Variants in ZBTB46 observed in about 807,000 individuals in gnomAD.
ZBTB46 encodes zinc finger and BTB domain-containing protein 46.
ZBTB46 carries 8 observed loss-of-function variants against 44.1 expected under a neutral mutation model. That is an observed-to-expected ratio of 0.18 (90% CI 0.11 to 0.33). ZBTB46 has a LOEUF of 0.33. Ranked by LOEUF, ZBTB46 falls within the 10% of genes least tolerant of loss-of-function variation. ZBTB46 has a pLI of 1.00. For synonymous variants in ZBTB46, 409 were observed against 382.3 expected, an observed-to-expected ratio of 1.07 and a Z score of -0.81; for missense variants, 651 against 847.7, an observed-to-expected ratio of 0.77 and a Z score of 2.88.
At chr20:63,768,053 A>C (rs1337412054) in intron 3 of ZBTB46, 1 of 985,228 alleles carries the variant, frequency 1.0e-6, no homozygotes, top group Non-Finnish European at 1.2e-6. Flanking sequence ...TAGTGTGGAC[A>C]CTCTGCTGCC....
At chr20:63,778,041 G>A (rs6512290) in intron 2 of ZBTB46, among the ~76,000 whole-genome samples, 82,474 of 151,884 alleles carry the variant, frequency 0.54, 22,581 homozygotes, top group South Asian at 0.62. Flanking sequence ...GAGGGGTCTC[G>A]GATGAGGGCT....
At chr20:63,762,864 CTTTTT>C (rs1057199187) in intron 3 of ZBTB46, among the ~76,000 whole-genome samples, 3 of 152,068 alleles carry the variant, frequency 2.0e-5, no homozygotes, top group Admixed American at 6.6e-5. Context: ...TTTTTCTTTT[CTTTTT>C]TTCTTTTGTA....
chr20:63,795,762 G>A (rs943461038), intron 1 of ZBTB46, among the ~76,000 whole-genome samples: 1 of 152,188 alleles, frequency 6.6e-6, no homozygotes, highest in Non-Finnish European at 1.5e-5. Flanking sequence ...AACAGGCTCC[G>A]CCAAACGTGG....
chr20:63,768,194 T>C (rs1486073897), intron 3 of ZBTB46: 1 of 874,874 alleles, frequency 1.1e-6, no homozygotes, highest in Admixed American at 6.2e-5. Context: ...CATTAACACC[T>C]GCCACCAAAA....
At chr20:63,763,530 T>C (rs1408578244) in intron 3 of ZBTB46, among the ~76,000 whole-genome samples, 1 of 151,724 alleles carries the variant, frequency 6.6e-6, no homozygotes, top group African/African-American at 2.4e-5. Context: ...AGACGGAGGG[T>C]CATGGGGGAG....
chr20:63,769,487 G>T, intron 3 of ZBTB46: 2 of 973,122 alleles, frequency 2.1e-6, no homozygotes, highest in Non-Finnish European at 2.4e-6. Context: ...CATGCGGTGT[G>T]AGCCCGGTGA....
At chr20:63,781,140 C>CAAAAAAAAA (rs58102231) in intron 2 of ZBTB46, among the ~76,000 whole-genome samples, 23 of 83,912 alleles carry the variant, frequency 2.7e-4, no homozygotes, top group African/African-American at 3.2e-4. Context: ...GACTCTGCCT[C>CAAAAAAAAA]AAAAAAAAAA....
intron 3 of ZBTB46, among the ~76,000 whole-genome samples, chr20:63,754,151 C>T (rs1411688662): frequency 6.6e-6 from 1 of 152,238 alleles, no homozygotes; most frequent in Non-Finnish European, 1.5e-5. Context: ...CACGGCAGCA[C>T]CTCTGACCAG....
chr20:63,832,902 C>T (rs1420615287), upstream of ZBTB46, among the ~76,000 whole-genome samples: 4 of 152,122 alleles, frequency 2.6e-5, no homozygotes, highest in Non-Finnish European at 5.9e-5. The surrounding 1 kb of genome is among the most constrained non-coding windows in gnomAD (Gnocchi z 5.0). Flanking sequence ...GGAGCCCCCA[C>T]CTGCCCACCC....
Position 63,746,840 on chromosome 20 carries a change from A to G in ZBTB46, c.*90T>C. On this transcript the variant is annotated 3_prime_UTR_variant, in exon 5 of 5. Coordinates refer to ENST00000245663, the MANE Select transcript of ZBTB46 (RefSeq NM_001369741.1). ...CAGAGGAGGGGCCGCGAGAGGGGTG[A>G]GCGTGGCCCTGGCCCCGCAGTGGAG... The G allele has an allele frequency of 7.1e-7, 1 of 1,411,796 alleles. No homozygotes were observed. The allele number at this position is 1,411,796 out of a possible 1,614,324, so 87.5% of individuals were successfully genotyped here.
intron 2 of ZBTB46, among the ~76,000 whole-genome samples, chr20:63,784,783 A>C (rs2092498698): frequency 6.6e-6 from 1 of 152,220 alleles, no homozygotes. Flanking sequence ...GTTTCTTGGA[A>C]GCTGCTCAGT....
intron 3 of ZBTB46, chr20:63,768,031 C>T: frequency 2.0e-6 from 2 of 985,486 alleles, no homozygotes; most frequent in Non-Finnish European, 2.4e-6. Flanking sequence ...GGGATAAAAG[C>T]AGCAAGACTT....
intron 2 of ZBTB46, among the ~76,000 whole-genome samples, chr20:63,777,019 C>T (rs2092431041): frequency 6.7e-6 from 1 of 148,350 alleles, no homozygotes; most frequent in Non-Finnish European, 1.5e-5. Context: ...CAGCACACGC[C>T]ACGGTTCCAC....
intron 1 of ZBTB46, among the ~76,000 whole-genome samples, chr20:63,821,615 T>A (rs1223492293): frequency 6.6e-6 from 1 of 151,986 alleles, no homozygotes; most frequent in Admixed American, 6.6e-5. Context: ...AATTTTTTTG[T>A]GTATATATTT....
chr20:63,759,990 C>T (rs764406120), intron 3 of ZBTB46, among the ~76,000 whole-genome samples: 5 of 152,126 alleles, frequency 3.3e-5, no homozygotes, highest in African/African-American at 4.8e-5. Flanking sequence ...AATGAGCCTG[C>T]GGACCATGCA....
intron 3 of ZBTB46, among the ~76,000 whole-genome samples, chr20:63,761,229 C>T (rs2092273420): frequency 1.5e-5 from 2 of 137,590 alleles, no homozygotes; most frequent in African/African-American, 2.5e-5. Flanking sequence ...GAACTCCTGA[C>T]CTCAAGTGAT....
At position 63,755,877 on chromosome 20, in the gene ZBTB46, C is replaced by T. The variant is rs370866984; in HGVS notation, c.1223-3016G>A. Among the ~76,000 whole-genome samples the T allele has an allele frequency of 3.1e-4, 47 of 152,324 alleles. No individual in the cohort carries two copies. In the East Asian group the frequency reaches 5.8e-3, roughly 19 times the overall value. On this transcript the variant is annotated intron_variant, in intron 3 of 4. Coordinates refer to ENST00000245663, the MANE Select transcript of ZBTB46 (RefSeq NM_001369741.1). ...CATTACACGGAAACGGGCACTCTCA[C>T]GACCTGTCCTAAAAACGGAACCCTT...
At chr20:63,759,147 G>A (rs1448444922) in intron 3 of ZBTB46, among the ~76,000 whole-genome samples, 1 of 151,926 alleles carries the variant, frequency 6.6e-6, no homozygotes, top group Non-Finnish European at 1.5e-5. Flanking sequence ...TCTGTGTAGA[G>A]GTCTTTGCAT....
At chr20:63,768,310 G>C (rs1033540307) in intron 3 of ZBTB46, among the ~76,000 whole-genome samples, 1 of 152,210 alleles carries the variant, frequency 6.6e-6, no homozygotes, top group Non-Finnish European at 1.5e-5. Flanking sequence ...TAGCACTTTG[G>C]GAGACCAAGG....
Sources: gnomAD v4.1 joint callset for allele counts (sites outside exome capture counted in the v4.1 genomes callset) on GRCh38, gnomAD v4.1.1 for gene constraint, Gnocchi (gnomAD v3.1) non-coding constraint, MANE v1.5 for transcripts, NCBI Gene and HGNC (gene_info 2026-07-23, HGNC 2026-07-21) for gene names.